Variants in ANKRD11 observed in about 807,000 individuals in gnomAD.
The protein encoded by ANKRD11 is ankyrin repeat domain-containing protein 11.
Under a neutral mutation model 195.7 loss-of-function variants are expected in ANKRD11, and 17 were observed. The observed-to-expected ratio is 0.09, with a 90% CI of 0.06 to 0.13. ANKRD11 has a LOEUF of 0.13. Ranked by LOEUF, ANKRD11 falls within the 10% of genes least tolerant of loss-of-function variation. The pLI is 1.00. For missense variants in ANKRD11, 3,735 were observed against 3,566.1 expected (o/e 1.05, Z -1.21); for synonymous variants, 1,953 against 1,528.1 (o/e 1.28, Z -6.49).
At chr16:89,422,404 G>C (rs1458711009) in intron 1 of ANKRD11, among the ~76,000 whole-genome samples, 4 of 152,190 alleles carry the variant, frequency 2.6e-5, no homozygotes, top group Admixed American at 6.5e-5. Flanking sequence ...TCACCAAAAA[G>C]AAGTGGTATT....
chr16:89,359,396 C>G (rs1221831072), intron 2 of ANKRD11, among the ~76,000 whole-genome samples: 1 of 152,212 alleles, frequency 6.6e-6, no homozygotes, highest in Non-Finnish European at 1.5e-5. Context: ...CTCCTGGAGC[C>G]AGCCCCAGCA....
At chr16:89,301,818 G>C (rs1036761622) in intron 4 of ANKRD11, among the ~76,000 whole-genome samples, 1 of 152,202 alleles carries the variant, frequency 6.6e-6, no homozygotes, top group Non-Finnish European at 1.5e-5. Context: ...GCACCGCAGA[G>C]GCCACATCTC....
At chr16:89,408,685 G>C (rs1382188755) in intron 2 of ANKRD11, among the ~76,000 whole-genome samples, 1 of 151,968 alleles carries the variant, frequency 6.6e-6, no homozygotes, top group East Asian at 1.9e-4. Context: ...CTAGAGTCCA[G>C]CGCTAATACA....
At chr16:89,351,279 G>A (rs1007386339) in intron 2 of ANKRD11, among the ~76,000 whole-genome samples, 4 of 152,142 alleles carry the variant, frequency 2.6e-5, no homozygotes, top group South Asian at 2.1e-4. Flanking sequence ...CCCACAGGCC[G>A]CCAAACACAT....
chr16:89,268,870 C>T lies in ANKRD11; in HGVS notation c.7807-207G>A, dbSNP rs902711863. Among the ~76,000 whole-genome samples the T allele has an allele frequency of 1.8e-4, 27 of 152,352 alleles. 4 individuals are homozygous for T. The highest frequency in any genetic ancestry group is 8.5e-4 in the Admixed American group (13 of 15,306). On this transcript the variant is annotated intron_variant, in intron 12 of 12. Transcript: ENST00000301030. ...TGTGCTACATGTCTGTCCCCATAAC[C>T]GCTGTCTATGCCACCTCTACCCTGG...
Position 89,371,426 on chromosome 16 carries a change from C to T in ANKRD11, c.-60+46858G>A, listed in dbSNP as rs552059559. 5.3e-5 allele frequency among the ~76,000 whole-genome samples: 8 copies of T among 152,200 alleles called. 1 individual carries two copies. The South Asian group carries it at 6.2e-4, about 12-fold the overall frequency. ...CTGCACAGACAGGTGTCCAGCTGCT[C>T]GGTGCATGGAGGCCAGAGCCACAGA... On this transcript the variant is annotated intron_variant, in intron 2 of 12. Coordinates refer to ENST00000301030, the MANE Select transcript of ANKRD11 (RefSeq NM_013275.6).
intron 1 of ANKRD11, among the ~76,000 whole-genome samples, chr16:89,450,821 T>A (rs767415330): frequency 6.6e-5 from 10 of 152,108 alleles, no homozygotes; most frequent in Non-Finnish European, 1.5e-4. Context: ...AAATTCTATT[T>A]TGTTCAATTT....
intron 3 of ANKRD11, among the ~76,000 whole-genome samples, chr16:89,308,923 T>C (rs887157421): frequency 2.0e-5 from 3 of 152,176 alleles, no homozygotes; most frequent in African/African-American, 4.8e-5. Flanking sequence ...AGGAGCCCCG[T>C]GCATGCAGTG....
chr16:89,398,857 G>A (rs899478547), intron 2 of ANKRD11, among the ~76,000 whole-genome samples: 3 of 152,150 alleles, frequency 2.0e-5, no homozygotes, highest in Admixed American at 1.3e-4. Flanking sequence ...TCTGGCCCAG[G>A]AGTACAGATG....
intron 2 of ANKRD11, among the ~76,000 whole-genome samples, chr16:89,348,260 T>G (rs2039039266): frequency 6.6e-6 from 1 of 152,218 alleles, no homozygotes; most frequent in Admixed American, 6.5e-5. Flanking sequence ...AAAAATCTTC[T>G]TAGATGATCT....
At chr16:89,336,925 T>G (rs566568608) in intron 2 of ANKRD11, among the ~76,000 whole-genome samples, 1 of 148,710 alleles carries the variant, frequency 6.7e-6, no homozygotes, top group Non-Finnish European at 1.5e-5. Flanking sequence ...ATCCTAGCAC[T>G]TTAGGAGGCC....
At chr16:89,369,642 G>C (rs1182505799) in intron 2 of ANKRD11, among the ~76,000 whole-genome samples, 1 of 152,186 alleles carries the variant, frequency 6.6e-6, no homozygotes, top group Non-Finnish European at 1.5e-5. Flanking sequence ...AGGACAACCA[G>C]GGGGGTCCTT....
intron 2 of ANKRD11, chr16:89,323,390 G>A: frequency 8.0e-7 from 1 of 1,247,654 alleles, no homozygotes; most frequent in Non-Finnish European, 1.0e-6. Flanking sequence ...TGGGCAAGGG[G>A]AGAGCAAGCA....
intron 3 of ANKRD11, among the ~76,000 whole-genome samples, chr16:89,315,034 AC>A (rs552444132): frequency 3.3e-5 from 5 of 151,884 alleles, no homozygotes; most frequent in Admixed American, 6.6e-5. Context: ...AGGTCCTGGG[AC>A]CCCCACCCAC....
chr16:89,270,713 G>C, intron 12 of ANKRD11, 104 bp downstream of exon 12: 1 of 1,119,574 alleles, frequency 8.9e-7, no homozygotes, highest in Non-Finnish European at 1.3e-6. Flanking sequence ...ACAGAACTGG[G>C]CAGCGGCCTC....
chr16:89,417,836 C>T (rs2042368351), intron 2 of ANKRD11, among the ~76,000 whole-genome samples: 1 of 151,622 alleles, frequency 6.6e-6, no homozygotes, highest in South Asian at 2.1e-4. Flanking sequence ...CAAGGACAAC[C>T]AGGCAAGACC....
chr16:89,324,336 G>A (rs2037560863), intron 2 of ANKRD11: 1 of 1,188,890 alleles, frequency 8.4e-7, no homozygotes. Flanking sequence ...GGGCGACGTG[G>A]GTGCCTCACA....
intron 2 of ANKRD11, among the ~76,000 whole-genome samples, chr16:89,399,218 G>C (rs892155769): frequency 3.3e-5 from 5 of 152,170 alleles, no homozygotes; most frequent in African/African-American, 9.7e-5. Flanking sequence ...TCAGGGGCCA[G>C]TGGCTGGCTT....
In ANKRD11 at chr16:89,462,085, TGGTCTCCCTCTCCCTCTCTTTCCAC is replaced by T. The variant is rs1228842536; in HGVS notation, c.-145+28135_-145+28159del. On this transcript the variant is annotated intron_variant, in intron 1 of 12. Coordinates refer to ENST00000301030, the MANE Select transcript of ANKRD11 (RefSeq NM_013275.6). ...CCCTCTCTCCCTCTCCCTCTCCCCA[TGGTCTCCCTCTCCCTCTCTTTCCAC>T]GGTCTCCCTCTCATGCTGAGTCGAA... Among the ~76,000 whole-genome samples, 29 of 76,210 alleles carry T rather than the reference TGGTCTCCCTCTCCCTCTCTTTCCAC, an allele frequency of 3.8e-4. No individual in the cohort carries two copies. In the South Asian group the frequency reaches 7.9e-3, roughly 21 times the overall value. 50.0% of individuals were successfully genotyped at this position (76,210 alleles called of 152,430 possible).
Sources: allele counts gnomAD v4.1 joint callset (sites outside exome capture counted in the v4.1 genomes callset), GRCh38; gene constraint gnomAD v4.1.1; transcripts MANE v1.5; gene names NCBI Gene and HGNC (gene_info 2026-07-23, HGNC 2026-07-21).